OR2M3: variants seen among roughly 807,000 people sequenced by gnomAD.
The protein encoded by OR2M3 is olfactory receptor family 2 subfamily M member 3.
Under a neutral mutation model 4.3 loss-of-function variants are expected in OR2M3, and 1 was observed. The ratio of observed to expected loss-of-function variants is 0.23; its 90% CI spans 0.08 to 1.11. OR2M3 has a LOEUF of 1.11. Ranked by LOEUF, OR2M3 falls within the 50% of genes most tolerant of loss-of-function variation. The probability of loss-of-function intolerance (pLI) is 0.54; values close to 1 mark genes in which losing one functional copy is unlikely to be tolerated. For synonymous variants in OR2M3, 151 were observed against 139.4 expected, an observed-to-expected ratio of 1.08 and a Z score of -0.59; for missense variants, 410 against 390.4, an observed-to-expected ratio of 1.05 and a Z score of -0.42.
chr1:248,199,074 AT>A (rs1217060500), intron 1 of OR2M3, among the ~76,000 whole-genome samples: 2 of 152,140 alleles, frequency 1.3e-5, no homozygotes, highest in Non-Finnish European at 2.9e-5. Flanking sequence ...CATAAAAATA[AT>A]TTTTAATATT....
At position 248,208,831 on chromosome 1, in the gene OR2M3, C is replaced by T. The variant is rs1572794802; in HGVS notation, c.*4825C>T. 1 of 152,108 alleles carries T rather than the reference C, an allele frequency of 6.6e-6. No individual in the cohort carries two copies. The highest frequency in any genetic ancestry group is 1.9e-4 in the East Asian group (1 of 5,198). 9.4% of individuals were successfully genotyped at this position (152,108 alleles called of 1,614,324 possible). On this transcript the variant is annotated 3_prime_UTR_variant, in exon 2 of 2. Coordinates refer to ENST00000641626, the MANE Select transcript of OR2M3 (RefSeq NM_001004689.2). ...GGAATGATCTTTTTGTCATGAATTT[C>T]CCAGGTGTTCTTTGAGCTTCTTGAG... is the stretch of plus-strand genomic sequence containing the variant.
At chr1:248,200,839 C>G (rs1277611317) in intron 1 of OR2M3, among the ~76,000 whole-genome samples, 1 of 151,926 alleles carries the variant, frequency 6.6e-6, no homozygotes, top group Non-Finnish European at 1.5e-5. Flanking sequence ...TTACTATCTC[C>G]CTATTTAAAA....
At chr1:248,199,381 G>A (rs567511603) in intron 1 of OR2M3, among the ~76,000 whole-genome samples, 5 of 151,664 alleles carry the variant, frequency 3.3e-5, no homozygotes, top group African/African-American at 1.2e-4. Context: ...AAATATTCTG[G>A]TTTTTTTTGA....
chr1:248,207,161 T>A lies in OR2M3; in HGVS notation c.*3155T>A, dbSNP rs7521717. The A allele has an allele frequency of 0.76, 114,632 of 151,824 alleles. 43,458 individuals are homozygous for A. Among genetic ancestry groups the A allele is most frequent in the South Asian group, 0.91 (4,372 of 4,822 alleles). The allele number at this position is 151,824 out of a possible 1,614,324, so 9.4% of individuals were successfully genotyped here. On this transcript the variant is annotated 3_prime_UTR_variant, in exon 2 of 2. Coordinates refer to ENST00000641626, the MANE Select transcript of OR2M3 (RefSeq NM_001004689.2). ...TATGGAATCAATTGTAATATCTCCC[T>A]TTTCATTTCTAATTGTGTTTATTTG... is the stretch of plus-strand genomic sequence containing the variant.
At chr1:248,198,451 GCTATGCTCAT>G (rs1558251525) in intron 1 of OR2M3, among the ~76,000 whole-genome samples, 1 of 152,114 alleles carries the variant, frequency 6.6e-6, no homozygotes, top group Non-Finnish European at 1.5e-5. Flanking sequence ...ATATAAAGTT[GCTATGCTCAT>G]TTTTGCTAAT....
intron 1 of OR2M3, among the ~76,000 whole-genome samples, chr1:248,197,979 G>A (rs1348951772): frequency 6.6e-6 from 1 of 152,046 alleles, no homozygotes; most frequent in Non-Finnish European, 1.5e-5. Context: ...TCTGAAATCT[G>A]CAACACGTCT....
chr1:248,204,046 C>G lies in OR2M3; in HGVS notation c.*40C>G, dbSNP rs1261751402. ...TTCATGTTTTGCTGTGTGCTAAATC[C>G]TTTTTTTAAATGGTCCTATTTTTCC... is the stretch of plus-strand genomic sequence containing the variant. On this transcript the variant is annotated 3_prime_UTR_variant, in exon 2 of 2. Transcript: ENST00000641626. The G allele has an allele frequency of 6.2e-7, 1 of 1,601,234 alleles. No individual in the cohort carries two copies. Among genetic ancestry groups the G allele is most frequent in the South Asian group, 1.1e-5 (1 of 90,296 alleles).
In OR2M3 at chr1:248,197,298, T is replaced by TA. The variant is rs1209017757; in HGVS notation, c.-22_-21insA. The TA allele has an allele frequency of 6.6e-6, 1 of 152,146 alleles. No homozygotes were observed. Among genetic ancestry groups the TA allele is most frequent in the Admixed American group, 6.6e-5 (1 of 15,264 alleles). The allele number at this position is 152,146 out of a possible 1,614,324, so 9.4% of individuals were successfully genotyped here. The stretch of plus-strand genomic sequence containing the variant: ...CAATCTCACTGAAAATATACACTAT[T>TA]CAGGTAAGTACTAAGAGGTAAGTTA... On this transcript the variant is annotated 5_prime_UTR_variant, in exon 1 of 2. Coordinates refer to ENST00000641626, the MANE Select transcript of OR2M3 (RefSeq NM_001004689.2).
rs1666280786 is a variant in OR2M3 at position 248,211,326 on chromosome 1, T to C, written c.*7320T>C. On this transcript the variant is annotated 3_prime_UTR_variant, in exon 2 of 2. Coordinates refer to ENST00000641626, the MANE Select transcript of OR2M3 (RefSeq NM_001004689.2). ...ATTTCTTTCAAGTTGTTAAAATTCA[T>C]CTAAGCTTCACACACTGATCCAACA... The C allele has an allele frequency of 6.6e-6, 1 of 152,060 alleles. No individual in the cohort carries two copies. The highest frequency in any genetic ancestry group is 1.5e-5 in the Non-Finnish European group (1 of 67,986). The allele number at this position is 152,060 out of a possible 1,614,324, so 9.4% of individuals were successfully genotyped here.
chr1:248,201,478 G>C (rs1436199497), intron 1 of OR2M3, among the ~76,000 whole-genome samples: 1 of 151,552 alleles, frequency 6.6e-6, no homozygotes, highest in Admixed American at 6.6e-5. Flanking sequence ...AAGTTTTAGG[G>C]TACATGTGCA....
intron 1 of OR2M3, among the ~76,000 whole-genome samples, chr1:248,201,051 T>G (rs1666151542): frequency 6.6e-6 from 1 of 152,176 alleles, no homozygotes; most frequent in Admixed American, 6.6e-5. Flanking sequence ...TTTTTCTGTT[T>G]AGAACATAAT....
rs1393257013 is a variant in OR2M3 at position 248,207,633 on chromosome 1, GTTGA to G, written c.*3630_*3633del. 6.6e-6 allele frequency: 1 copy of G among 151,992 alleles called. No homozygotes were observed. Among genetic ancestry groups the G allele is most frequent in the Non-Finnish European group, 1.5e-5 (1 of 67,916 alleles). The allele number at this position is 151,992 out of a possible 1,614,324, so 9.4% of individuals were successfully genotyped here. On this transcript the variant is annotated 3_prime_UTR_variant, in exon 2 of 2. Transcript: ENST00000641626. Reference sequence around the variant, plus strand: ...CAAGGTTTTGAGGGTTCCTTTTGGAGTTGATTTTCAATTTTATTCTACTGTGGTC... The same window carrying G: ...CAAGGTTTTGAGGGTTCCTTTTGGAGTTTTCAATTTTATTCTACTGTGGTC...
At chr1:248,197,739 C>T (rs1666112326) in intron 1 of OR2M3, among the ~76,000 whole-genome samples, 2 of 152,074 alleles carry the variant, frequency 1.3e-5, no homozygotes, top group South Asian at 4.1e-4. Flanking sequence ...ACCCAAAGCA[C>T]TCCAAAATCA....
intron 1 of OR2M3, among the ~76,000 whole-genome samples, chr1:248,200,758 T>C (rs1414629406): frequency 6.6e-6 from 1 of 152,134 alleles, no homozygotes; most frequent in African/African-American, 2.4e-5. Context: ...ACATTACTTT[T>C]GAGTATTTTT....
intron 1 of OR2M3, 127 bp from the exon 2 acceptor site, chr1:248,202,923 C>A (rs565686329): frequency 1.4e-5 from 11 of 809,674 alleles, no homozygotes; most frequent in Middle Eastern, 2.4e-4. Flanking sequence ...TATTTCTTGA[C>A]CTTTTAGTTT....
chr1:248,198,811 TG>T (rs1666125824), intron 1 of OR2M3, among the ~76,000 whole-genome samples: 1 of 152,168 alleles, frequency 6.6e-6, no homozygotes. Context: ...TCATGAAATA[TG>T]ACCATGAATT....
chr1:248,204,015 A>G lies in OR2M3; in HGVS notation c.*9A>G. On this transcript the variant is annotated 3_prime_UTR_variant, in exon 2 of 2. Transcript: ENST00000641626. ...GCAAGTCTGGAGAGTGAGTTACCTA[A>G]TAAACTTCATGTTTTGCTGTGTGCT... is the stretch of plus-strand genomic sequence containing the variant. 1.2e-6 allele frequency: 2 copies of G among 1,613,220 alleles called. No individual in the cohort carries two copies. The highest frequency in any genetic ancestry group is 1.7e-6 in the Non-Finnish European group (2 of 1,179,404).
Position 248,209,845 on chromosome 1 carries a change from C to T in OR2M3, c.*5839C>T, listed in dbSNP as rs1195979240. On this transcript the variant is annotated 3_prime_UTR_variant, in exon 2 of 2. Transcript: ENST00000641626. ...AGGATGCAAACTTGCCCTAGGGACA[C>T]CTGGTCAAGTATTCAGGTTTCTCAG... 1 of 152,164 alleles carries T rather than the reference C, an allele frequency of 6.6e-6. No homozygotes were observed. Among genetic ancestry groups the T allele is most frequent in the South Asian group, 2.1e-4 (1 of 4,824 alleles). The allele number at this position is 152,164 out of a possible 1,614,324, so 9.4% of individuals were successfully genotyped here. A position where few individuals can be genotyped will look rare whatever the true frequency, so the allele number is the denominator to read the frequency against.
Position 248,209,014 on chromosome 1 carries a change from T to A in OR2M3, c.*5008T>A, listed in dbSNP as rs530560358. On this transcript the variant is annotated 3_prime_UTR_variant, in exon 2 of 2. Transcript: ENST00000641626. ...GTATCAAACTTCTTGGAGGCTTTGTTTTTAGGTTTTTTTTCTTGTCTTGAA... is the reference window on the plus strand; with the variant it reads ...GTATCAAACTTCTTGGAGGCTTTGTATTTAGGTTTTTTTTCTTGTCTTGAA... 2.6e-5 allele frequency: 4 copies of A among 152,134 alleles called. No individual in the cohort carries two copies. The highest frequency in any genetic ancestry group is 5.9e-5 in the Non-Finnish European group (4 of 68,018). The allele number at this position is 152,134 out of a possible 1,614,324, so 9.4% of individuals were successfully genotyped here. A position where few individuals can be genotyped will look rare whatever the true frequency, so the allele number is the denominator to read the frequency against.
Sources: allele counts gnomAD v4.1 joint callset (sites outside exome capture counted in the v4.1 genomes callset), GRCh38; gene constraint gnomAD v4.1.1; transcripts MANE v1.5; gene names NCBI Gene and HGNC (gene_info 2026-07-23, HGNC 2026-07-21).